The following DCC variants were observed in gnomAD, a reference collection of about 807,000 sequenced individuals.
DCC encodes the protein netrin receptor DCC.
Under a neutral mutation model 172.5 loss-of-function variants are expected in DCC, and 58 were observed. The ratio of observed to expected loss-of-function variants is 0.34; its 90% CI spans 0.27 to 0.42. The LOEUF is 0.42. DCC is among the 10% of genes least tolerant of loss of function. DCC has a pLI of 1.00. For synonymous variants in DCC, 709 were observed against 644.5 expected, an observed-to-expected ratio of 1.10 and a Z score of -1.52; for missense variants, 1,740 against 1,791.0, an observed-to-expected ratio of 0.97 and a Z score of 0.51.
chr18:53,441,417 A>G (rs1568134265), intron 22 of DCC, among the ~76,000 whole-genome samples: 2 of 152,092 alleles, frequency 1.3e-5, no homozygotes, highest in African/African-American at 4.8e-5. Flanking sequence ...TCCCAAATGT[A>G]TATCATTAAT....
intron 1 of DCC, among the ~76,000 whole-genome samples, chr18:52,656,269 A>G (rs894061654): frequency 2.0e-5 from 3 of 151,950 alleles, no homozygotes; most frequent in Admixed American, 6.6e-5. Flanking sequence ...CACAGTCTTC[A>G]TGAATATGAT....
chr18:53,163,305 A>G (rs1357037683), intron 8 of DCC, among the ~76,000 whole-genome samples: 1 of 152,180 alleles, frequency 6.6e-6, no homozygotes, highest in African/African-American at 2.4e-5. Context: ...ACTGAGGAGG[A>G]TGAATAAGCT....
chr18:53,143,662 ACT>A (rs2043864004), intron 7 of DCC, among the ~76,000 whole-genome samples: 1 of 152,178 alleles, frequency 6.6e-6, no homozygotes, highest in South Asian at 2.1e-4. Context: ...AGGTTTTGTA[ACT>A]CTATCTTCAT....
chr18:52,856,866 G>A (rs1268918531), intron 2 of DCC, among the ~76,000 whole-genome samples: 2 of 151,952 alleles, frequency 1.3e-5, no homozygotes. Context: ...TTCCCTCCTT[G>A]GCCCACAAAT....
intron 7 of DCC, among the ~76,000 whole-genome samples, chr18:53,112,599 A>G (rs1453424356): frequency 2.6e-5 from 4 of 151,566 alleles, no homozygotes; most frequent in African/African-American, 4.8e-5. Context: ...TCCATAAGCT[A>G]TAACATTTCA....
At chr18:52,737,296 A>C (rs1045425335) in intron 1 of DCC, among the ~76,000 whole-genome samples, 3 of 152,140 alleles carry the variant, frequency 2.0e-5, no homozygotes, top group Non-Finnish European at 4.4e-5. Flanking sequence ...ACCACTGGTG[A>C]TACTTTGACA....
At chr18:53,245,041 C>T (rs2056349180) in intron 12 of DCC, among the ~76,000 whole-genome samples, 1 of 152,070 alleles carries the variant, frequency 6.6e-6, no homozygotes, top group South Asian at 2.1e-4. Flanking sequence ...TCTGTCTGAA[C>T]CTCAGTTTCA....
At position 53,226,934 on chromosome 18, in the gene DCC, G is replaced by GTATA. The variant is rs1555734406; in HGVS notation, c.1911+11349_1911+11352dup. 5.6e-3 allele frequency among the ~76,000 whole-genome samples: 380 copies of GTATA among 68,094 alleles called. 15 individuals are homozygous for GTATA. The highest frequency in any genetic ancestry group is 8.1e-3 in the Middle Eastern group (1 of 124). The allele number at this position is 68,094 out of a possible 152,430, so 44.7% of individuals were successfully genotyped here. A position where few individuals can be genotyped will look rare whatever the true frequency, so the allele number is the denominator to read the frequency against. The stretch of plus-strand genomic sequence containing the variant: ...TGTAACTGTGTGTGTGTGTGTGTGT[G>GTATA]TATATATATATATATTTTTTTTTTT... On this transcript the variant is annotated intron_variant, in intron 12 of 28. Coordinates refer to ENST00000442544, the MANE Select transcript of DCC (RefSeq NM_005215.4).
At chr18:52,794,540 G>A (rs963079253) in intron 2 of DCC, among the ~76,000 whole-genome samples, 1 of 151,920 alleles carries the variant, frequency 6.6e-6, no homozygotes, top group Admixed American at 6.6e-5. Flanking sequence ...TTTTTTGGTG[G>A]AGTCTTTAGG....
intron 1 of DCC, among the ~76,000 whole-genome samples, chr18:52,450,811 G>T (rs750977102): frequency 5.9e-5 from 9 of 152,180 alleles, no homozygotes; most frequent in Non-Finnish European, 1.2e-4. Context: ...TACCACTATA[G>T]GTATCCAAAG....
rs534183285 is a variant in DCC, at chr18:53,525,288, T to C, written c.4112-1329T>C. Among the ~76,000 whole-genome samples, 10 of 152,190 alleles carry C rather than the reference T, an allele frequency of 6.6e-5. No homozygotes were observed. The South Asian group carries it at 2.1e-3, about 32-fold the overall frequency. On this transcript the variant is annotated intron_variant, in intron 27 of 28. Transcript: ENST00000442544. Reference sequence around the variant, plus strand: ...ATGAAACTAAAATGCTTGGCATAGATCTAGACTTTTGTAGGCACTCAGTAA... The same window carrying C: ...ATGAAACTAAAATGCTTGGCATAGACCTAGACTTTTGTAGGCACTCAGTAA...
At chr18:52,548,985 C>T (rs1209542668) in intron 1 of DCC, among the ~76,000 whole-genome samples, 8 of 152,062 alleles carry the variant, frequency 5.3e-5, no homozygotes, top group Admixed American at 3.9e-4. Flanking sequence ...TCTTCCTACA[C>T]ATATTTCCCT....
intron 5 of DCC, among the ~76,000 whole-genome samples, chr18:53,024,835 A>G (rs1333959321): frequency 7.2e-5 from 11 of 152,162 alleles, no homozygotes; most frequent in Non-Finnish European, 1.3e-4. Flanking sequence ...TATGTCTTTT[A>G]TAGTTAATAG....
intron 1 of DCC, among the ~76,000 whole-genome samples, chr18:52,449,914 T>C (rs928831443): frequency 9.9e-5 from 15 of 152,174 alleles, no homozygotes; most frequent in African/African-American, 3.4e-4. Flanking sequence ...CAGCAATGCA[T>C]AACTTTGAGT....
chr18:52,669,295 G>T (rs1352384152), intron 1 of DCC, among the ~76,000 whole-genome samples: 1 of 152,218 alleles, frequency 6.6e-6, no homozygotes, highest in African/African-American at 2.4e-5. Context: ...GCAGTTTAGG[G>T]AGGGTCAGAA....
chr18:52,738,492 A>T (rs1337094751), intron 1 of DCC, among the ~76,000 whole-genome samples: 1 of 152,182 alleles, frequency 6.6e-6, no homozygotes. Flanking sequence ...ACAAGAGATT[A>T]AAAATGATGG....
rs1473860129 is a variant in DCC at position 53,207,681 on chromosome 18, T to C, written c.1725T>C (p.Asn575=). Residue 575 remains asparagine (N), a splice_region_variant and synonymous_variant, in exon 11 of 29, where the codon AAT becomes AAC. Coordinates refer to ENST00000442544, the MANE Select transcript of DCC (RefSeq NM_005215.4). ...GTTTTGGTGTTTTATGTCTCCAGAA[T>C]ATAGAGGTTGATGGACTATCTTATA... ...CTEVSTGKEQ[N]IEVDGLSYKL... The C allele has an allele frequency of 1.9e-6, 3 of 1,613,494 alleles. No homozygotes were observed. In the African/African-American group the frequency reaches 4.0e-5, roughly 22 times the overall value.
intron 7 of DCC, among the ~76,000 whole-genome samples, chr18:53,123,856 C>A (rs1313375431): frequency 3.3e-5 from 5 of 152,054 alleles, no homozygotes. Flanking sequence ...TCTTCCAGTT[C>A]TTTCTTCTTG....
At chr18:53,319,902 C>T (rs1599021087) in intron 13 of DCC, among the ~76,000 whole-genome samples, 2 of 152,108 alleles carry the variant, frequency 1.3e-5, no homozygotes, top group South Asian at 2.1e-4. Context: ...ACAGTAATAC[C>T]TCAGTTAGTG....
Sources: gnomAD v4.1 joint callset for allele counts (sites outside exome capture counted in the v4.1 genomes callset) on GRCh38, gnomAD v4.1.1 for gene constraint, MANE v1.5 for transcripts, NCBI Gene and HGNC (gene_info 2026-07-23, HGNC 2026-07-21) for gene names.